MYLK3: variants seen among roughly 807,000 people sequenced by gnomAD.
The protein encoded by MYLK3 is MLC kinase.
MYLK3 carries 55 observed loss-of-function variants against 76.3 expected under a neutral mutation model. The observed-to-expected ratio is 0.72, with a 90% CI of 0.58 to 0.90. The LOEUF is 0.90. MYLK3 is among the 40% of genes least tolerant of loss of function. The pLI is 0.00. For missense variants in MYLK3, 973 were observed against 1,053.6 expected, an observed-to-expected ratio of 0.92 and a Z score of 1.06; for synonymous variants, 416 against 425.4, an observed-to-expected ratio of 0.98 and a Z score of 0.27.
At chr16:46,755,819 C>A (rs1283063324) in intron 1 of MYLK3, among the ~76,000 whole-genome samples, 1 of 151,816 alleles carries the variant, frequency 6.6e-6, no homozygotes, top group Non-Finnish European at 1.5e-5. Context: ...CATTAGCCAT[C>A]AGCATGATGA....
intron 10 of MYLK3, among the ~76,000 whole-genome samples, 172 bp downstream of exon 10, chr16:46,712,476 C>T (rs1220792765): frequency 6.6e-6 from 1 of 152,130 alleles, no homozygotes; most frequent in Non-Finnish European, 1.5e-5. Context: ...TGATAACATA[C>T]CCTTCCCTGG....
At chr16:46,712,385 G>C (rs1013667598) in intron 10 of MYLK3, among the ~76,000 whole-genome samples, 3 of 151,492 alleles carry the variant, frequency 2.0e-5, no homozygotes, top group Non-Finnish European at 4.4e-5. Flanking sequence ...AATAATATCG[G>C]CACATCTCAA....
intron 1 of MYLK3, among the ~76,000 whole-genome samples, chr16:46,761,175 G>C (rs1371592752): frequency 6.6e-6 from 1 of 152,184 alleles, no homozygotes; most frequent in Non-Finnish European, 1.5e-5. Context: ...AGGTCACAGA[G>C]GGAGCAAAGC....
At position 46,747,786 on chromosome 16, in the gene MYLK3, C is replaced by G. The variant is rs775787717; in HGVS notation, c.408G>C (p.Lys136Asn). Reference protein sequence around the residue: ...ALVGATFQKSKVADFLMQGRV... With the variant: ...ALVGATFQKSNVADFLMQGRV... ...GCCCCTGCATGAGGAAATCCGCCAC[C>G]TTTGATTTCTGGAACGTGGCCCCCA... Residue 136 changes from lysine (K) to asparagine (N), a missense_variant, in exon 1 of 13, where the codon AAG becomes AAC. Lys to Asn is a moderately conservative substitution (Grantham distance 94). Transcript: ENST00000394809. The G allele has an allele frequency of 2.5e-6, 4 of 1,614,218 alleles. No individual in the cohort carries two copies. In the Admixed American group the frequency reaches 6.7e-5, roughly 27 times the overall value.
At chr16:46,729,454 G>A in intron 6 of MYLK3, 140 bp downstream of exon 6, 1 of 784,146 alleles carries the variant, frequency 1.3e-6, no homozygotes, top group Admixed American at 2.2e-5. Context: ...GAAGGGGACT[G>A]CCTGACTGGA....
intron 3 of MYLK3, among the ~76,000 whole-genome samples, chr16:46,736,936 G>A (rs896344599): frequency 6.6e-6 from 1 of 152,166 alleles, no homozygotes; most frequent in Non-Finnish European, 1.5e-5. Flanking sequence ...CCGAGAGCAG[G>A]TCCTCAGGCT....
intron 2 of MYLK3, among the ~76,000 whole-genome samples, chr16:46,738,370 C>T (rs1329322080): frequency 2.0e-5 from 3 of 152,196 alleles, no homozygotes; most frequent in African/African-American, 4.8e-5. Context: ...GAAGCCTGGG[C>T]AACACAATGA....
intron 1 of MYLK3, among the ~76,000 whole-genome samples, chr16:46,740,484 A>G (rs565232735): frequency 6.7e-6 from 1 of 150,332 alleles, no homozygotes; most frequent in East Asian, 1.9e-4. Flanking sequence ...CTTAGACTAC[A>G]GATGCAAAAT....
chr16:46,750,552 G>T (rs972358340), upstream of MYLK3, among the ~76,000 whole-genome samples: 4 of 152,202 alleles, frequency 2.6e-5, no homozygotes, highest in African/African-American at 7.2e-5. Context: ...AAATTTGCTG[G>T]GCATGATGGC....
chr16:46,755,172 T>C (rs1190958334), intron 1 of MYLK3, among the ~76,000 whole-genome samples: 1 of 152,118 alleles, frequency 6.6e-6, no homozygotes, highest in Non-Finnish European at 1.5e-5. Context: ...GTGCTGGGAT[T>C]ATAGGCTTGA....
intron 4 of MYLK3, 50 bp from the exon 5 acceptor site, chr16:46,730,748 C>G: frequency 1.9e-6 from 3 of 1,547,348 alleles, no homozygotes; most frequent in Non-Finnish European, 2.7e-6. Flanking sequence ...GCAGCCCACA[C>G]CTCTCGGTCA....
In MYLK3 at chr16:46,729,685, C is replaced by T; in HGVS notation, c.1571G>A (p.Gly524Asp). 6.2e-7 allele frequency: 1 copy of T among 1,613,556 alleles called. No individual in the cohort carries two copies. The highest frequency in any genetic ancestry group is 1.1e-5 in the South Asian group (1 of 91,080). The change falls in exon 6 of 13, where the codon GGT (glycine) becomes GAT (aspartate). Residue 524 changes from glycine (G) to aspartate (D), a missense_variant and splice_region_variant. By Grantham distance (94) the Gly-to-Asp change is moderately conservative (BLOSUM62 -1). This residue lies in a region of MYLK3 where 332 missense variants were observed against 416.6 expected (regional missense o/e 0.80). Transcript: ENST00000394809. ...GCACCTGTGGACCTGGCCAAACCGA[C>T]CCCTGCAGAGACATAGCCACACGGC... is the stretch of plus-strand genomic sequence containing the variant. ...EVCQHEVLGGGRFGQVHRCTE... is the reference protein window; with the variant it reads ...EVCQHEVLGGDRFGQVHRCTE...
intron 1 of MYLK3, among the ~76,000 whole-genome samples, chr16:46,744,801 A>T (rs1485645836): frequency 6.6e-6 from 1 of 152,116 alleles, no homozygotes. Flanking sequence ...GGAGTTCAAG[A>T]CCAGCCTGGG....
intron 1 of MYLK3, among the ~76,000 whole-genome samples, chr16:46,740,719 T>C (rs1040192404): frequency 5.3e-5 from 8 of 151,618 alleles, no homozygotes; most frequent in Non-Finnish European, 1.2e-4. Flanking sequence ...GCCCGGCTAA[T>C]TTTTGTATTT....
chr16:46,748,631 G>A (rs909367723), upstream of MYLK3, among the ~76,000 whole-genome samples: 44 of 152,288 alleles, frequency 2.9e-4, no homozygotes, highest in African/African-American at 8.4e-4. This position sits in a 1 kb window ranked among gnomAD's most constrained non-coding sequence, Gnocchi z 4.3. Flanking sequence ...ATCCCAGGGC[G>A]GAGGAAGGTC....
At chr16:46,758,988 C>T (rs1967241991) in intron 1 of MYLK3, among the ~76,000 whole-genome samples, 1 of 152,214 alleles carries the variant, frequency 6.6e-6, no homozygotes, top group Admixed American at 6.5e-5. Context: ...GATGATAAAG[C>T]AACAGCCACA....
intron 8 of MYLK3, among the ~76,000 whole-genome samples, chr16:46,723,493 T>C (rs1022860826): frequency 3.9e-5 from 6 of 152,232 alleles, no homozygotes; most frequent in African/African-American, 7.2e-5. Flanking sequence ...GTTTTAATTC[T>C]CTTAGGGGTA....
intron 3 of MYLK3, among the ~76,000 whole-genome samples, chr16:46,733,806 C>T (rs568179980): frequency 3.2e-4 from 48 of 152,266 alleles, no homozygotes; most frequent in African/African-American, 1.0e-3. Flanking sequence ...AGCAGGGAGG[C>T]AGGTGGCCTC....
chr16:46,753,404 C>G lies in MYLK3; in HGVS notation c.-114+9636G>C, dbSNP rs536293025. 9.5e-4 allele frequency among the ~76,000 whole-genome samples: 144 copies of G among 152,308 alleles called. 4 individuals are homozygous for G. The highest frequency in any genetic ancestry group is 7.3e-5 in the Non-Finnish European group (5 of 68,028). Reference sequence around the variant, plus strand: ...GCTGGCTTTTGGGGTTCCTCAGGAGCGTCCCACCTGATCATCCTCAACAAA... The same window carrying G: ...GCTGGCTTTTGGGGTTCCTCAGGAGGGTCCCACCTGATCATCCTCAACAAA... On this transcript the variant is annotated intron_variant, in intron 1 of 11. Coordinates refer to the MYLK3 transcript ENST00000536476.
Sources: gnomAD v4.1 joint callset for allele counts (sites outside exome capture counted in the v4.1 genomes callset) on GRCh38, gnomAD v4.1.1 for gene constraint, gnomAD v4.1.1 regional missense constraint, Gnocchi (gnomAD v3.1) non-coding constraint, MANE v1.5 for transcripts, NCBI Gene and HGNC (gene_info 2026-07-23, HGNC 2026-07-21) for gene names.